FRMD7: variants seen among roughly 807,000 people sequenced by gnomAD.
FRMD7 encodes FERM domain-containing protein 7.
A neutral mutation model predicts 44.1 loss-of-function variants in FRMD7; 14 were observed. That is an observed-to-expected ratio of 0.32 (90% CI 0.21 to 0.50). FRMD7 has a LOEUF of 0.50. Among genes scored for constraint, FRMD7 ranks in the 20% least tolerant of loss-of-function variants. The probability of loss-of-function intolerance (pLI) is 0.99; values close to 1 mark genes in which losing one functional copy is unlikely to be tolerated. For missense variants in FRMD7, 501 were observed against 522.3 expected (o/e 0.96, Z 0.40); for synonymous variants, 212 against 187.4 (o/e 1.13, Z -1.07).
intron 1 of FRMD7, among the ~76,000 whole-genome samples, chrX:132,119,531 C>T (rs1267118729): frequency 9.0e-6 from 1 of 111,555 alleles, no homozygotes. Context: ...CTAAGTGCTT[C>T]CAGGGCCTGG....
chrX:132,107,461 G>A (rs1019176836), intron 1 of FRMD7, among the ~76,000 whole-genome samples: 2 of 111,273 alleles, frequency 1.8e-5, no homozygotes, highest in Admixed American at 1.9e-4. Context: ...CCATAGAGTG[G>A]GTGGCTCAAA....
At chrX:132,109,808 G>T (rs1326934145) in intron 1 of FRMD7, among the ~76,000 whole-genome samples, 1 of 111,871 alleles carries the variant, frequency 8.9e-6, no homozygotes, top group Admixed American at 9.5e-5. Context: ...GCGGAAAGAA[G>T]AAGAGTGTTA....
intron 1 of FRMD7, among the ~76,000 whole-genome samples, chrX:132,110,008 T>A (rs927522019): frequency 9.0e-6 from 1 of 110,791 alleles, no homozygotes; most frequent in Non-Finnish European, 1.9e-5. Context: ...AGCTGGATGA[T>A]ATTCAGCAGG....
At chrX:132,099,571 TC>T (rs1366124172) in intron 2 of FRMD7, 61 bp from the exon 3 acceptor site, 4 of 789,879 alleles carry the variant, frequency 5.1e-6, no homozygotes, top group African/African-American at 4.1e-5. Flanking sequence ...TTTTTTTTTT[TC>T]GGTAATAGAT....
rs1163920468 is a variant in FRMD7, at chrX:132,077,781, G to A, written c.*91C>T. 9 of 1,173,200 alleles carry A rather than the reference G, an allele frequency of 7.7e-6. No homozygotes were observed. The highest frequency in any genetic ancestry group is 3.8e-5 in the South Asian group (2 of 52,978). On this transcript the variant is annotated 3_prime_UTR_variant, in exon 12 of 12. Transcript: ENST00000298542. ...TTTCCTTAATACCAATGAATATGTA[G>A]TAACCAAGAAAATGGTTTCTACAAC...
rs1927673715 is a variant in FRMD7 at position 132,078,167 on chromosome X, C to T, written c.1850G>A (p.Ser617Asn). The T allele has an allele frequency of 8.3e-7, 1 of 1,211,608 alleles. No individual in the cohort carries two copies. The highest frequency in any genetic ancestry group is 3.0e-5 in the East Asian group (1 of 33,837). The change falls in exon 12 of 12, where the codon AGT (serine) becomes AAT (asparagine). Residue 617 changes from serine (S) to asparagine (N), a missense_variant. Physicochemically the swap from Ser to Asn is conservative, Grantham distance 46. Transcript: ENST00000298542. ...FRPLGPCPAL[S>N]HKADLFTDMF... The stretch of plus-strand genomic sequence containing the variant: ...ATCCGTAAACAGGTCTGCTTTATGA[C>T]TGAGAGCAGGACAAGGCCCTAAAGG...
chrX:132,083,426 G>A (rs1299641384), intron 8 of FRMD7, among the ~76,000 whole-genome samples: 2 of 111,104 alleles, frequency 1.8e-5, no homozygotes, highest in African/African-American at 6.6e-5. Context: ...CATGTTTGCA[G>A]CCCTGTTTTC....
intron 1 of FRMD7, among the ~76,000 whole-genome samples, chrX:132,105,049 T>C (rs1168597291): frequency 1.8e-5 from 2 of 112,057 alleles, no homozygotes; most frequent in Non-Finnish European, 3.8e-5. Context: ...AATAAAAGAT[T>C]GACGGAGGAA....
chrX:132,114,405 G>A (rs1928851570), intron 1 of FRMD7, among the ~76,000 whole-genome samples: 2 of 110,840 alleles, frequency 1.8e-5, no homozygotes, highest in Admixed American at 9.6e-5. Flanking sequence ...TGGAATTTAG[G>A]GGTCCATTAA....
rs745594201 is a variant in FRMD7 at position 132,078,527 on chromosome X, A to G, written c.1490T>C (p.Phe497Ser). 1.5e-5 allele frequency: 18 copies of G among 1,209,761 alleles called. No homozygotes were observed. The highest frequency in any genetic ancestry group is 2.2e-5 in the Admixed American group (1 of 45,722). Residue 497 changes from phenylalanine to serine, a missense_variant, in exon 12 of 12, where the codon TTT (phenylalanine) becomes TCT (serine). Coordinates refer to ENST00000298542, the MANE Select transcript of FRMD7 (RefSeq NM_194277.3). ...CACCTGGGGTGGCTTGTCCACATAA[A>G]AAAAGACCTGGGGAGGCATAATACC... ...QVGIMPPQVFFYVDKPPQVPR... is the reference protein window; with the variant it reads ...QVGIMPPQVFSYVDKPPQVPR...
At chrX:132,100,225 A>G (rs936130455) in intron 2 of FRMD7, among the ~76,000 whole-genome samples, 1 of 111,814 alleles carries the variant, frequency 8.9e-6, no homozygotes, top group Non-Finnish European at 1.9e-5. Flanking sequence ...TCTGCCTCCC[A>G]GGTTCAAGCA....
chrX:132,085,978 A>G lies in FRMD7; in HGVS notation c.439T>C (p.Tyr147His). ...TDRKHLAQTR[Y>H]LPNQDCLEGK... ...TCTAAACAGTCTTGGTTTGGTAAGT[A>G]CCGAGTTTGTGCCAGATGCTTCCTA... Residue 147 changes from tyrosine (Y) to histidine (H), a missense_variant, in exon 6 of 12, where the codon TAC becomes CAC. Physicochemically the swap from Tyr to His is moderately conservative, Grantham distance 83. Around this residue, in one of 3 missense-constraint regions of FRMD7, gnomAD observed 453 missense variants for 452.7 expected, o/e 1.00. Coordinates refer to ENST00000298542, the MANE Select transcript of FRMD7 (RefSeq NM_194277.3). The G allele has an allele frequency of 8.3e-7, 1 of 1,207,912 alleles. No individual in the cohort carries two copies. Among genetic ancestry groups the G allele is most frequent in the South Asian group, 1.8e-5 (1 of 56,913 alleles).
chrX:132,107,604 G>GGAGAGACAGAGAGAGAGAGAGA (rs1556025736), intron 1 of FRMD7, among the ~76,000 whole-genome samples: 1 of 91,196 alleles, frequency 1.1e-5, no homozygotes, highest in African/African-American at 4.4e-5. Context: ...TCTACATGGT[G>GGAGAGACAGAGAGAGAGAGAGA]GAGAGAGAGA....
At chrX:132,111,657 G>A (rs1221066684) in intron 1 of FRMD7, among the ~76,000 whole-genome samples, 1 of 111,775 alleles carries the variant, frequency 8.9e-6, no homozygotes, top group Admixed American at 9.6e-5. Flanking sequence ...TTCAAATCCT[G>A]AACTCCGAAT....
At position 132,078,776 on chromosome X, in the gene FRMD7, A is replaced by G. The variant is rs1403554338; in HGVS notation, c.1241T>C (p.Phe414Ser). 1 of 1,211,463 alleles carries G rather than the reference A, an allele frequency of 8.3e-7. No homozygotes were observed. The highest frequency in any genetic ancestry group is 1.8e-5 in the South Asian group (1 of 56,976). The change falls in exon 12 of 12, where the codon TTC (phenylalanine) becomes TCC (serine). Residue 414 changes from phenylalanine (F) to serine (S), a missense_variant. Around this residue, in one of 3 missense-constraint regions of FRMD7, gnomAD observed 453 missense variants for 452.7 expected, o/e 1.00. Coordinates refer to ENST00000298542, the MANE Select transcript of FRMD7 (RefSeq NM_194277.3). ...GACAGGGTCCATATAAATAAAAGGG[A>G]AAGAGGAACTGCTTTGGGACTGATG... The part of the protein sequence containing the change: ...LLHQSQSSSS[F>S]PFIYMDPVFN...
chrX:132,089,484 C>A (rs899708947), intron 5 of FRMD7, among the ~76,000 whole-genome samples: 1 of 111,883 alleles, frequency 8.9e-6, no homozygotes, highest in Non-Finnish European at 1.9e-5. Context: ...TCCACTAAAA[C>A]TACACAGAAA....
At chrX:132,127,656 C>A in intron 1 of FRMD7, 132 bp downstream of exon 1, 1 of 561,286 alleles carries the variant, frequency 1.8e-6, no homozygotes, top group South Asian at 2.5e-5. Flanking sequence ...ATTATTTTTC[C>A]AAAGCTAAAA....
At chrX:132,081,823 CG>C (rs1164415330) in intron 9 of FRMD7, among the ~76,000 whole-genome samples, 1 of 111,657 alleles carries the variant, frequency 9.0e-6, no homozygotes, top group African/African-American at 3.3e-5. Flanking sequence ...ATGTGCACAA[CG>C]TGCAGGTTTG....
intron 1 of FRMD7, among the ~76,000 whole-genome samples, chrX:132,121,173 A>G (rs747942365): frequency 9.0e-6 from 1 of 111,350 alleles, no homozygotes; most frequent in South Asian, 3.8e-4. Context: ...GTTCTGGAAA[A>G]CCAGGAAGTT....
Sources: allele counts gnomAD v4.1 joint callset (sites outside exome capture counted in the v4.1 genomes callset), GRCh38; gene constraint gnomAD v4.1.1; regional missense constraint gnomAD v4.1.1; transcripts MANE v1.5; gene names NCBI Gene and HGNC (gene_info 2026-07-23, HGNC 2026-07-21).